The following GABRG3 variants were observed in gnomAD, a reference collection of about 807,000 sequenced individuals.
GABRG3 encodes gamma-aminobutyric acid receptor subunit gamma-3.
GABRG3 carries 25 observed loss-of-function variants against 48.8 expected under a neutral mutation model. That is an observed-to-expected ratio of 0.51 (90% CI 0.37 to 0.72). GABRG3 has a LOEUF of 0.72. Among genes scored for constraint, GABRG3 ranks in the 30% least tolerant of loss-of-function variants. The pLI is 0.00. For missense variants in GABRG3, 394 were observed against 577.9 expected (o/e 0.68, Z 3.26); for synonymous variants, 227 against 217.6 (o/e 1.04, Z -0.38).
At chr15:27,170,585 A>T (rs1887534320) in intron 3 of GABRG3, among the ~76,000 whole-genome samples, 1 of 152,202 alleles carries the variant, frequency 6.6e-6, no homozygotes, top group Non-Finnish European at 1.5e-5. Context: ...AGCAGGATGA[A>T]AGACAGACAG....
At chr15:27,509,355 CTGATATT>C (rs71414510) in intron 6 of GABRG3, among the ~76,000 whole-genome samples, 93,466 of 151,338 alleles carry the variant, frequency 0.62, 30,015 homozygotes, top group African/African-American at 0.8. Flanking sequence ...TTGATTCTGG[CTGATATT>C]TGAGCCTCTT....
At chr15:27,361,236 C>T (rs1204832954) in intron 5 of GABRG3, among the ~76,000 whole-genome samples, 7 of 152,162 alleles carry the variant, frequency 4.6e-5, no homozygotes, top group Admixed American at 4.6e-4. Context: ...TTTAGCAGAG[C>T]ACTTGGAGTT....
At chr15:27,123,430 A>T (rs1485377485) in intron 3 of GABRG3, among the ~76,000 whole-genome samples, 2 of 152,042 alleles carry the variant, frequency 1.3e-5, no homozygotes, top group African/African-American at 4.8e-5. Context: ...GAACTCACTC[A>T]CTCCTTCCAG....
chr15:27,285,574 G>A (rs1458761286), intron 3 of GABRG3, among the ~76,000 whole-genome samples: 1 of 152,162 alleles, frequency 6.6e-6, no homozygotes, highest in Non-Finnish European at 1.5e-5. Flanking sequence ...AATAAATATA[G>A]TAGTTATTAC....
At chr15:27,413,698 C>T (rs907559411) in intron 5 of GABRG3, among the ~76,000 whole-genome samples, 14 of 151,996 alleles carry the variant, frequency 9.2e-5, no homozygotes, top group South Asian at 2.1e-4. Flanking sequence ...AATGTAAGTC[C>T]CAGCTGCTGA....
intron 3 of GABRG3, among the ~76,000 whole-genome samples, chr15:27,265,084 C>T (rs1185231454): frequency 2.0e-5 from 3 of 152,084 alleles, no homozygotes; most frequent in Non-Finnish European, 4.4e-5. Context: ...AAAACTACAT[C>T]CTTTAAACCA....
At chr15:26,972,065 A>C (rs1437060474) in intron 1 of GABRG3, among the ~76,000 whole-genome samples, 1 of 151,706 alleles carries the variant, frequency 6.6e-6, no homozygotes, top group Non-Finnish European at 1.5e-5. Flanking sequence ...AATGCATTGG[A>C]GGCAGGCGCG....
rs559631598 is a variant in GABRG3, at chr15:27,142,566, G to A, written c.270+115745G>A. 4.6e-5 allele frequency among the ~76,000 whole-genome samples: 7 copies of A among 152,266 alleles called. No individual in the cohort carries two copies. The East Asian group carries it at 1.4e-3, about 29-fold the overall frequency. On this transcript the variant is annotated intron_variant, in intron 3 of 9. Transcript: ENST00000615808. ...CTCCCACAACATGTGGGAATTGTGG[G>A]AATACAATTCAAGATGAGATTTGGG...
At chr15:27,510,703 C>T (rs1303937868) in intron 6 of GABRG3, among the ~76,000 whole-genome samples, 1 of 152,166 alleles carries the variant, frequency 6.6e-6, no homozygotes, top group East Asian at 1.9e-4. Flanking sequence ...CTAAAGTTTC[C>T]TCCAGCACCT....
chr15:27,247,613 A>G (rs894468180), intron 3 of GABRG3, among the ~76,000 whole-genome samples: 5 of 152,210 alleles, frequency 3.3e-5, no homozygotes, highest in Non-Finnish European at 7.3e-5. Flanking sequence ...AACATGGTGT[A>G]TTAGTCCGTT....
chr15:27,518,651 A>G (rs552532425), intron 6 of GABRG3, among the ~76,000 whole-genome samples: 12 of 152,140 alleles, frequency 7.9e-5, no homozygotes, highest in Admixed American at 3.3e-4. Flanking sequence ...AGAGCATGCT[A>G]TGCAGATGGG....
chr15:27,521,442 G>A (rs1396317060), intron 7 of GABRG3, among the ~76,000 whole-genome samples: 1 of 152,048 alleles, frequency 6.6e-6, no homozygotes, highest in Non-Finnish European at 1.5e-5. Flanking sequence ...AGATAATATA[G>A]TGCAGACTCT....
chr15:27,508,437 T>C lies in GABRG3; in HGVS notation c.713-11535T>C, dbSNP rs557788428. 3.2e-4 allele frequency among the ~76,000 whole-genome samples: 48 copies of C among 152,200 alleles called. 1 individual carries two copies. Among genetic ancestry groups the C allele is most frequent in the Non-Finnish European group, 6.0e-4 (41 of 68,026 alleles). On this transcript the variant is annotated intron_variant, in intron 6 of 9. Coordinates refer to ENST00000615808, the MANE Select transcript of GABRG3 (RefSeq NM_033223.5). ...TTACTTTCTTCCATCTCTTGTATAA[T>C]TGCTATTATACATTTCATTTTTTCT...
chr15:27,178,379 TAAAC>T (rs1887814956), intron 3 of GABRG3, among the ~76,000 whole-genome samples: 1 of 152,178 alleles, frequency 6.6e-6, no homozygotes, highest in East Asian at 1.9e-4. Context: ...AAGATTAGCT[TAAAC>T]AAATCCTGGA....
chr15:27,195,916 T>TCAGCCACCGCACC (rs145193701), intron 3 of GABRG3, among the ~76,000 whole-genome samples: 2 of 152,240 alleles, frequency 1.3e-5, no homozygotes, highest in South Asian at 2.1e-4. Flanking sequence ...ATTACAGCCA[T>TCAGCCACCGCACC]CAGCCACCGC....
At chr15:27,456,051 G>A (rs745605431) in intron 5 of GABRG3, among the ~76,000 whole-genome samples, 1 of 152,158 alleles carries the variant, frequency 6.6e-6, no homozygotes, top group Non-Finnish European at 1.5e-5. Flanking sequence ...AGCTTTCTAT[G>A]ATTGAGACCT....
chr15:27,380,835 G>A (rs1309432330), intron 5 of GABRG3, among the ~76,000 whole-genome samples: 3 of 149,286 alleles, frequency 2.0e-5, no homozygotes, highest in East Asian at 2.0e-4. Context: ...GCGTAATCTC[G>A]GCTCACTGCA....
chr15:26,986,213 A>G (rs922191418), intron 2 of GABRG3, among the ~76,000 whole-genome samples: 5 of 152,208 alleles, frequency 3.3e-5, no homozygotes, highest in African/African-American at 1.2e-4. Flanking sequence ...AATAATTCAA[A>G]TGTATTCACT....
Position 27,368,538 on chromosome 15 carries a change from G to A in GABRG3, c.574+39650G>A, listed in dbSNP as rs12903748. Among the ~76,000 whole-genome samples, 511 of 151,984 alleles carry A rather than the reference G, an allele frequency of 3.4e-3. 1 individual carries two copies. Among genetic ancestry groups the A allele is most frequent in the Non-Finnish European group, 4.6e-3 (311 of 67,936 alleles). ...GTAATTCTGTCCAAGGTGCATAGTT[G>A]GGCATGTCCCTGTCCTGGTCATTGT... On this transcript the variant is annotated intron_variant, in intron 5 of 9. Transcript: ENST00000615808.
Sources: gnomAD v4.1 joint callset for allele counts (sites outside exome capture counted in the v4.1 genomes callset) on GRCh38, gnomAD v4.1.1 for gene constraint, MANE v1.5 for transcripts, NCBI Gene and HGNC (gene_info 2026-07-23, HGNC 2026-07-21) for gene names.